Variants in DLG5 observed in about 807,000 individuals in gnomAD.
DLG5 encodes the protein disks large homolog 5.
Under a neutral mutation model 189.8 loss-of-function variants are expected in DLG5, and 48 were observed. The ratio of observed to expected loss-of-function variants is 0.25; its 90% CI spans 0.20 to 0.32. The LOEUF is 0.32. DLG5 is among the 10% of genes least tolerant of loss of function. The pLI is 1.00. For synonymous variants in DLG5, 1,016 were observed against 1,054.1 expected, an observed-to-expected ratio of 0.96 and a Z score of 0.70; for missense variants, 2,160 against 2,544.7, an observed-to-expected ratio of 0.85 and a Z score of 3.25.
chr10:77,816,053 A>G (rs1176638962), intron 20 of DLG5: 1 of 454,874 alleles, frequency 2.2e-6, no homozygotes, highest in Non-Finnish European at 4.4e-6. Context: ...TGTATATTTT[A>G]TTTCACAACA....
Position 77,822,117 on chromosome 10 carries a change from AGAG to A in DLG5, c.2383-19_2383-17del. 2.5e-6 allele frequency: 4 copies of A among 1,597,556 alleles called. No individual in the cohort carries two copies. Among genetic ancestry groups the A allele is most frequent in the Non-Finnish European group, 3.4e-6 (4 of 1,171,072 alleles). On this transcript the variant is annotated splice_polypyrimidine_tract_variant and intron_variant, in intron 14 of 31. Transcript: ENST00000372391. ...GAGGGAATACCTAGGCAGGGATTGC[AGAG>A]GAGTGAGAGAGAGAGTGAGATGGCA... is the stretch of plus-strand genomic sequence containing the variant.
At chr10:77,912,334 C>T (rs1173072053) in intron 1 of DLG5, 1 of 151,996 alleles carries the variant, frequency 6.6e-6, no homozygotes, top group Non-Finnish European at 1.5e-5. Flanking sequence ...GGCATGACCC[C>T]ACCACTGATC....
intron 1 of DLG5, among the ~76,000 whole-genome samples, chr10:77,900,825 C>T (rs926834165): frequency 6.6e-6 from 1 of 152,230 alleles, no homozygotes; most frequent in Admixed American, 6.5e-5. Flanking sequence ...ATCCCAGCTA[C>T]TCAGGAGGCT....
In DLG5 at chr10:77,828,870, C is replaced by T; in HGVS notation, c.2289+12G>A. ...CACGGCAGATGACCCTGGCTCCAGC[C>T]TTGAGACTTACCGCAACGATCCTGT... On this transcript the variant is annotated intron_variant, in intron 13 of 31. Transcript: ENST00000372391. 6.5e-7 allele frequency: 1 copy of T among 1,543,810 alleles called. No homozygotes were observed. Among genetic ancestry groups the T allele is most frequent in the Non-Finnish European group, 8.7e-7 (1 of 1,145,176 alleles).
chr10:77,854,716 C>T (rs1019695239), intron 3 of DLG5, among the ~76,000 whole-genome samples: 13 of 152,050 alleles, frequency 8.5e-5, no homozygotes, highest in Non-Finnish European at 1.5e-5. Flanking sequence ...CTCGGCGTGA[C>T]AGCTCGTGCC....
chr10:77,905,215 G>A (rs1465845213), intron 1 of DLG5, among the ~76,000 whole-genome samples: 2 of 151,798 alleles, frequency 1.3e-5, no homozygotes, highest in East Asian at 3.9e-4. Flanking sequence ...TGCCCGGGCT[G>A]GTCTCAAACT....
chr10:77,889,158 T>C (rs1276295779), intron 1 of DLG5, among the ~76,000 whole-genome samples: 1,843 of 78,066 alleles, frequency 0.024, 31 homozygotes, highest in African/African-American at 0.074. Flanking sequence ...CCTCCCAGGC[T>C]TCACAAGCCC....
At chr10:77,798,214 G>A (rs1323301069) in intron 27 of DLG5, among the ~76,000 whole-genome samples, 4 of 151,970 alleles carry the variant, frequency 2.6e-5, no homozygotes, top group African/African-American at 9.7e-5. Context: ...TAATAAAACT[G>A]ATCATTATCC....
intron 1 of DLG5, among the ~76,000 whole-genome samples, chr10:77,876,392 T>TTTC (rs1290219135): frequency 2.3e-5 from 3 of 131,560 alleles, no homozygotes; most frequent in South Asian, 5.0e-4. Flanking sequence ...TTTTTTTTTT[T>TTTC]GAAAGAGAGT....
At chr10:77,887,140 GC>G (rs1488272463) in intron 1 of DLG5, among the ~76,000 whole-genome samples, 1 of 152,206 alleles carries the variant, frequency 6.6e-6, no homozygotes, top group East Asian at 1.9e-4. Flanking sequence ...TAAAACTTCA[GC>G]CCCCAGGACA....
chr10:77,830,921 T>A, intron 9 of DLG5, 48 bp from the exon 10 acceptor site: 1 of 1,604,272 alleles, frequency 6.2e-7, no homozygotes, highest in Non-Finnish European at 8.5e-7. Context: ...AGGTGAAACA[T>A]CCCACCGCGT....
chr10:77,934,221 A>G, the DLG5 span, among the ~76,000 whole-genome samples: 1 of 146,200 alleles, frequency 6.8e-6, no homozygotes, highest in Admixed American at 6.9e-5. Flanking sequence ...AAAATACAAA[A>G]TTATCCGAGT....
rs886942440 is a variant in DLG5, at chr10:77,853,379, C to T, written c.839G>A (p.Gly280Asp). The T allele has an allele frequency of 2.5e-6, 4 of 1,586,104 alleles. No individual in the cohort carries two copies. The highest frequency in any genetic ancestry group is 2.7e-5 in the African/African-American group (2 of 74,590). The change falls in exon 5 of 32, where the codon GGT becomes GAT. Residue 280 changes from glycine to aspartate, a missense_variant. By Grantham distance (94) the Gly-to-Asp change is moderately conservative. Coordinates refer to ENST00000372391, the MANE Select transcript of DLG5 (RefSeq NM_004747.4). ...RLHEEDQKEI[G>D]DLRAQQQQVL... is the part of the protein sequence containing the mutation. ...CTGCTGCTGCTGGGCACGGAGGTCA[C>T]CGATCTCCTTCTGGTCCTCCTCGTG... is the stretch of plus-strand genomic sequence containing the variant.
At chr10:77,854,661 C>T (rs1024253268) in intron 3 of DLG5, among the ~76,000 whole-genome samples, 1 of 152,160 alleles carries the variant, frequency 6.6e-6, no homozygotes, top group Non-Finnish European at 1.5e-5. Context: ...TACAACAGGT[C>T]TGAGTCCACC....
At chr10:77,938,303 C>T in the DLG5 span, among the ~76,000 whole-genome samples, 3 of 151,948 alleles carry the variant, frequency 2.0e-5, no homozygotes, top group Admixed American at 6.6e-5. Context: ...GAAATTTTGC[C>T]GGGCATGGTC....
intron 1 of DLG5, among the ~76,000 whole-genome samples, chr10:77,922,732 TAA>T (rs1846572708): frequency 6.6e-6 from 1 of 152,074 alleles, no homozygotes; most frequent in Non-Finnish European, 1.5e-5. Context: ...GCCACAGAGT[TAA>T]TGAGATATGA....
chr10:77,906,621 T>TG (rs1311779414), intron 1 of DLG5, among the ~76,000 whole-genome samples: 2 of 145,392 alleles, frequency 1.4e-5, no homozygotes, highest in African/African-American at 2.5e-5. Flanking sequence ...GCTCCACTTT[T>TG]TTTTTTTTTT....
In DLG5 at chr10:77,821,657, T is replaced by G. The variant is rs768259358; in HGVS notation, c.2827A>C (p.Ser943Arg). The change falls in exon 15 of 32, where the codon AGC becomes CGC. Residue 943 changes from serine to arginine, a missense_variant. Transcript: ENST00000372391. ...LDKADSEGSNSGGTWPKAMLS... is the reference protein window; with the variant it reads ...LDKADSEGSNRGGTWPKAMLS... ...ATGGCCTTGGGCCAGGTCCCGCCGC[T>G]GTTGGAGCCTTCAGAGTCTGCCTTG... The G allele has an allele frequency of 6.2e-7, 1 of 1,613,186 alleles. No individual in the cohort carries two copies. The highest frequency in any genetic ancestry group is 8.5e-7 in the Non-Finnish European group (1 of 1,179,948).
At chr10:77,837,559 G>C (rs1457119083) in intron 7 of DLG5, among the ~76,000 whole-genome samples, 1 of 152,192 alleles carries the variant, frequency 6.6e-6, no homozygotes, top group Non-Finnish European at 1.5e-5. Context: ...AATACAAGAA[G>C]TACTATACTT....
Sources: allele counts gnomAD v4.1 joint callset (sites outside exome capture counted in the v4.1 genomes callset), GRCh38; gene constraint gnomAD v4.1.1; transcripts MANE v1.5; gene names NCBI Gene and HGNC (gene_info 2026-07-23, HGNC 2026-07-21).